Variants in GPR37 observed in about 807,000 individuals in gnomAD.
GPR37 encodes prosaposin receptor GPR37.
A neutral mutation model predicts 43.6 loss-of-function variants in GPR37; 20 were observed. That is an observed-to-expected ratio of 0.46 (90% CI 0.32 to 0.67). The LOEUF (loss-of-function observed/expected upper bound fraction) is 0.67, where lower values mean the gene tolerates loss of function less well. GPR37 is among the 30% of genes least tolerant of loss of function. The pLI, the probability that GPR37 is intolerant of heterozygous loss-of-function variation, is 0.03. For synonymous variants in GPR37, 315 were observed against 322.6 expected (o/e 0.98, Z 0.25); for missense variants, 724 against 797.2 (o/e 0.91, Z 1.11).
chr7:124,747,117 T>C lies in GPR37; in HGVS notation c.1250A>G (p.Glu417Gly). Residue 417 changes from glutamate (E) to glycine (G), a missense_variant, in exon 2 of 2, where the codon GAA (glutamate) becomes GGA (glycine). Glu to Gly is a moderately conservative substitution (Grantham distance 98). This residue lies in a region of GPR37 where 342 missense variants were observed against 441.8 expected (regional missense o/e 0.77). Coordinates refer to ENST00000303921, the MANE Select transcript of GPR37 (RefSeq NM_005302.5). ...AGGAGAGATCTTAATAATGCACCTT[T>C]CTGCCGGAGCTCGGCCACTAAACCC... ...DLGFSGRAPAERCIIKISPDL... is the reference protein window; with the variant it reads ...DLGFSGRAPAGRCIIKISPDL... The C allele has an allele frequency of 6.2e-7, 1 of 1,613,970 alleles. No homozygotes were observed. The highest frequency in any genetic ancestry group is 8.5e-7 in the Non-Finnish European group (1 of 1,179,898).
rs1486041319 is a variant in GPR37, at chr7:124,764,973, G to T, written c.4C>A (p.Arg2=). M[R]APGALLARMS... ...CGGGCGAGAAGCGCGCCCGGGGCTC[G>T]CATGGCTTGGTGAGGGCACACCCGG... is the stretch of plus-strand genomic sequence containing the variant. Residue 2 remains arginine (R), a synonymous_variant, in exon 1 of 2, where the codon CGA becomes AGA. Transcript: ENST00000303921. The surrounding 1 kb of genome is among the most constrained non-coding windows in gnomAD (Gnocchi z 5.4). The T allele has an allele frequency of 6.8e-7, 1 of 1,476,022 alleles. No homozygotes were observed. Among genetic ancestry groups the T allele is most frequent in the East Asian group, 2.5e-5 (1 of 40,714 alleles). The allele number at this position is 1,476,022 out of a possible 1,614,324, so 91.4% of individuals were successfully genotyped here. A position where few individuals can be genotyped will look rare whatever the true frequency, so the allele number is the denominator to read the frequency against.
intron 1 of GPR37, 150 bp downstream of exon 1, chr7:124,763,804 G>T: frequency 1.4e-6 from 1 of 718,156 alleles, no homozygotes; most frequent in South Asian, 1.7e-5. Flanking sequence ...ATACATACAT[G>T]CATAAATGAT....
Position 124,746,914 on chromosome 7 carries a change from G to C in GPR37, c.1453C>G (p.Gln485Glu). 1 of 1,614,042 alleles carries C rather than the reference G, an allele frequency of 6.2e-7. No individual in the cohort carries two copies. The highest frequency in any genetic ancestry group is 8.5e-7 in the Non-Finnish European group (1 of 1,179,972). Residue 485 changes from glutamine to glutamate, a missense_variant, in exon 2 of 2, where the codon CAA becomes GAA. Coordinates refer to ENST00000303921, the MANE Select transcript of GPR37 (RefSeq NM_005302.5). ...GTACAGTTCATCTGACTCTCTAGTTGAATCTGCCGTTTATTCCCTCGGGTA... is the reference window on the plus strand; with the variant it reads ...GTACAGTTCATCTGACTCTCTAGTTCAATCTGCCGTTTATTCCCTCGGGTA... ...ACTRGNKRQI[Q>E]LESQMNCTVV...
rs895547423 is a variant in GPR37, at chr7:124,746,235, G to A, written c.*290C>T. Reference sequence around the variant, plus strand: ...TTGTATTTTTAAAAGAAGAAAAAACGTTAGCAATTTTAAGTTAAGTTGCAG... The same window carrying A: ...TTGTATTTTTAAAAGAAGAAAAAACATTAGCAATTTTAAGTTAAGTTGCAG... On this transcript the variant is annotated 3_prime_UTR_variant, in exon 2 of 2. Transcript: ENST00000303921. The A allele has an allele frequency of 1.7e-5, 4 of 236,946 alleles. No individual in the cohort carries two copies. Among genetic ancestry groups the A allele is most frequent in the Admixed American group, 5.4e-5 (1 of 18,464 alleles). The allele number at this position is 236,946 out of a possible 1,614,324, so 14.7% of individuals were successfully genotyped here. A position where few individuals can be genotyped will look rare whatever the true frequency, so the allele number is the denominator to read the frequency against.
At chr7:124,759,029 C>A (rs1793822971) in intron 1 of GPR37, among the ~76,000 whole-genome samples, 1 of 151,484 alleles carries the variant, frequency 6.6e-6, no homozygotes, top group South Asian at 2.1e-4. Flanking sequence ...AGCAAAGATT[C>A]ATTCCAGTTG....
Position 124,744,761 on chromosome 7 carries a change from T to C in GPR37, c.*1764A>G, listed in dbSNP as rs180839356. On this transcript the variant is annotated 3_prime_UTR_variant, in exon 2 of 2. Coordinates refer to ENST00000303921, the MANE Select transcript of GPR37 (RefSeq NM_005302.5). Reference sequence around the variant, plus strand: ...CCTGATTCTGTAAGGTCTGAGGCTGTGACCTATTTACCTTTAGTTACTCAG... The same window carrying C: ...CCTGATTCTGTAAGGTCTGAGGCTGCGACCTATTTACCTTTAGTTACTCAG... 4 of 152,336 alleles carry C rather than the reference T, an allele frequency of 2.6e-5. No individual in the cohort carries two copies. In the East Asian group the frequency reaches 7.7e-4, roughly 29 times the overall value. The allele number at this position is 152,336 out of a possible 1,614,324, so 9.4% of individuals were successfully genotyped here. A position where few individuals can be genotyped will look rare whatever the true frequency, so the allele number is the denominator to read the frequency against.
At chr7:124,749,975 C>A (rs1474747444) in intron 1 of GPR37, among the ~76,000 whole-genome samples, 3 of 152,100 alleles carry the variant, frequency 2.0e-5, no homozygotes, top group Non-Finnish European at 2.9e-5. Flanking sequence ...AAATTGTTCA[C>A]ATTGATGAAA....
At chr7:124,761,579 G>C (rs1379494935) in intron 1 of GPR37, among the ~76,000 whole-genome samples, 1 of 152,124 alleles carries the variant, frequency 6.6e-6, no homozygotes, top group Non-Finnish European at 1.5e-5. Flanking sequence ...TTGAACCTGA[G>C]AGCACAACCC....
chr7:124,762,082 A>AAGG (rs1793857662), intron 1 of GPR37, among the ~76,000 whole-genome samples: 1 of 152,162 alleles, frequency 6.6e-6, no homozygotes, highest in Non-Finnish European at 1.5e-5. Flanking sequence ...AAGCACTCTT[A>AAGG]AGGAGGAGCT....
chr7:124,764,310 C>T lies in GPR37; in HGVS notation c.667G>A (p.Gly223Arg). The T allele has an allele frequency of 6.2e-7, 1 of 1,607,816 alleles. No individual in the cohort carries two copies. The highest frequency in any genetic ancestry group is 8.5e-7 in the Non-Finnish European group (1 of 1,176,876). Reference sequence around the variant, plus strand: ...TCATGGATTCCTTCACCCAAGGATCCATTCTGGGCCAGCGCCCGGCCCGGG... The same window carrying T: ...TCATGGATTCCTTCACCCAAGGATCTATTCTGGGCCAGCGCCCGGCCCGGG... Reference protein sequence around the residue: ...ALPGRALAQNGSLGEGIHEPG... With the variant: ...ALPGRALAQNRSLGEGIHEPG... Residue 223 changes from glycine (G) to arginine (R), a missense_variant, in exon 1 of 2, where the codon GGA (glycine) becomes AGA (arginine). Physicochemically the swap from Gly to Arg is moderately radical, Grantham distance 125. Coordinates refer to ENST00000303921, the MANE Select transcript of GPR37 (RefSeq NM_005302.5). The surrounding 1 kb of genome is among the most constrained non-coding windows in gnomAD (Gnocchi z 5.4).
intron 1 of GPR37, among the ~76,000 whole-genome samples, chr7:124,754,373 A>T (rs1248508269): frequency 6.6e-6 from 1 of 152,206 alleles, no homozygotes; most frequent in Admixed American, 6.5e-5. Context: ...GACAAGTTAA[A>T]AAAGATTAAA....
intron 1 of GPR37, among the ~76,000 whole-genome samples, chr7:124,749,566 C>A: frequency 6.6e-6 from 1 of 152,260 alleles, no homozygotes; most frequent in South Asian, 2.1e-4. Flanking sequence ...CCCAGAGCTA[C>A]GGCAACTTGC....
rs146654447 is a variant in GPR37, at chr7:124,751,931, A to G, written c.1024-4588T>C. Among the ~76,000 whole-genome samples, 1,069 of 152,282 alleles carry G rather than the reference A, an allele frequency of 7.0e-3. 15 individuals are homozygous for G. The highest frequency in any genetic ancestry group is 0.024 in the African/African-American group (985 of 41,566). On this transcript the variant is annotated intron_variant, in intron 1 of 1. Transcript: ENST00000303921. ...AGAGACAAGACTATTAATTTTGATA[A>G]TTTCAAGATCAGCGGGAAAATAGAA...
intron 1 of GPR37, among the ~76,000 whole-genome samples, chr7:124,748,229 C>T (rs1017652676): frequency 9.9e-5 from 15 of 152,000 alleles, no homozygotes; most frequent in Admixed American, 1.3e-4. Flanking sequence ...AAGAAATCTG[C>T]CTGGATGACA....
In GPR37 at chr7:124,764,112, T is replaced by C. The variant is rs1793882715; in HGVS notation, c.865A>G (p.Asn289Asp). Residue 289 changes from asparagine to aspartate, a missense_variant, in exon 1 of 2, where the codon AAC becomes GAC. Coordinates refer to ENST00000303921, the MANE Select transcript of GPR37 (RefSeq NM_005302.5). This position sits in a 1 kb window ranked among gnomAD's most constrained non-coding sequence, Gnocchi z 5.4. ...NLAVMCIVCH[N>D]YYMRSISNSL... ...TTGGAGATGCTCCGCATGTAGTAGT[T>C]GTGGCACACGATGCACATCACCGCC... 1 of 1,613,340 alleles carries C rather than the reference T, an allele frequency of 6.2e-7. No homozygotes were observed. Among genetic ancestry groups the C allele is most frequent in the Admixed American group, 1.7e-5 (1 of 59,942 alleles).
chr7:124,765,003 C>A lies in GPR37; in HGVS notation c.-27G>T. On this transcript the variant is annotated 5_prime_UTR_variant, in exon 1 of 2. Transcript: ENST00000303921. The stretch of plus-strand genomic sequence containing the variant: ...GCTTGGTGAGGGCACACCCGGCAGC[C>A]GCAGCTCCTGCTTAGTTAGGATCGA... The A allele has an allele frequency of 7.0e-7, 1 of 1,433,056 alleles. No homozygotes were observed. The highest frequency in any genetic ancestry group is 1.9e-4 in the Middle Eastern group (1 of 5,134). The allele number at this position is 1,433,056 out of a possible 1,614,324, so 88.8% of individuals were successfully genotyped here.
chr7:124,762,773 A>T (rs906857131), intron 1 of GPR37, among the ~76,000 whole-genome samples: 2 of 152,226 alleles, frequency 1.3e-5, no homozygotes, highest in Non-Finnish European at 2.9e-5. Context: ...GGTCCGTCTA[A>T]GTAGGTACTG....
At chr7:124,763,436 AAC>A (rs1278244789) in intron 1 of GPR37, among the ~76,000 whole-genome samples, 2 of 152,348 alleles carry the variant, frequency 1.3e-5, no homozygotes, top group East Asian at 3.9e-4. Flanking sequence ...CCAACTGACA[AAC>A]ACAATTTTCT....
At chr7:124,757,481 C>A (rs1272345380) in intron 1 of GPR37, among the ~76,000 whole-genome samples, 1 of 152,044 alleles carries the variant, frequency 6.6e-6, no homozygotes, top group Non-Finnish European at 1.5e-5. Flanking sequence ...AACAAAAAAG[C>A]AAGAATTAAA....
Sources: allele counts gnomAD v4.1 joint callset (sites outside exome capture counted in the v4.1 genomes callset), GRCh38; gene constraint gnomAD v4.1.1; regional missense constraint gnomAD v4.1.1; non-coding constraint Gnocchi (gnomAD v3.1); transcripts MANE v1.5; gene names NCBI Gene and HGNC (gene_info 2026-07-23, HGNC 2026-07-21).